The following CADM2 variants were observed in gnomAD, a reference collection of about 807,000 sequenced individuals.
CADM2 encodes the protein cell adhesion molecule 2.
A neutral mutation model predicts 49.8 loss-of-function variants in CADM2; 12 were observed. The observed-to-expected ratio is 0.24, with a 90% CI of 0.15 to 0.39. The LOEUF (loss-of-function observed/expected upper bound fraction) is 0.39. Among genes scored for constraint, CADM2 ranks in the 10% least tolerant of loss-of-function variants. The pLI is 1.00. For missense variants in CADM2, 378 were observed against 492.3 expected, an observed-to-expected ratio of 0.77 and a Z score of 2.20; for synonymous variants, 214 against 175.4, an observed-to-expected ratio of 1.22 and a Z score of -1.74.
intron 1 of CADM2, among the ~76,000 whole-genome samples, chr3:85,273,313 G>A (rs970868450): frequency 3.3e-5 from 5 of 151,262 alleles, no homozygotes; most frequent in Non-Finnish European, 7.4e-5. Context: ...AGGTGGGAAG[G>A]CAGTGGAAGA....
intron 1 of CADM2, among the ~76,000 whole-genome samples, chr3:85,487,528 G>C (rs773600767): frequency 1.2e-4 from 18 of 151,342 alleles, no homozygotes; most frequent in African/African-American, 2.7e-4. Context: ...AGGAGAAGGA[G>C]GAAGTGGAGG....
intron 1 of CADM2, among the ~76,000 whole-genome samples, chr3:85,509,207 T>A (rs2040497754): frequency 6.6e-6 from 1 of 152,128 alleles, no homozygotes. Flanking sequence ...TCTTAAATGC[T>A]ATATCCAGCA....
chr3:85,938,668 C>T (rs1474886194), intron 7 of CADM2, among the ~76,000 whole-genome samples: 1 of 151,802 alleles, frequency 6.6e-6, no homozygotes, highest in East Asian at 1.9e-4. Flanking sequence ...AACTATTGTA[C>T]CTGTATCTTC....
At chr3:85,647,285 C>T (rs907416430) in intron 1 of CADM2, among the ~76,000 whole-genome samples, 45 of 151,744 alleles carry the variant, frequency 3.0e-4, no homozygotes, top group Middle Eastern at 3.4e-3. Flanking sequence ...GGAAATGAAA[C>T]CATTTTGTAA....
intron 1 of CADM2, among the ~76,000 whole-genome samples, chr3:85,153,252 G>A (rs1413195566): frequency 2.0e-4 from 30 of 152,186 alleles, no homozygotes; most frequent in East Asian, 1.9e-4. Flanking sequence ...CCGAAGCAGG[G>A]CGAGGCATTG....
chr3:85,068,939 T>G (rs2036625436), intron 1 of CADM2, among the ~76,000 whole-genome samples: 1 of 152,124 alleles, frequency 6.6e-6, no homozygotes, highest in African/African-American at 2.4e-5. Context: ...TGATTTGGAG[T>G]AATAGAAACT....
intron 1 of CADM2, among the ~76,000 whole-genome samples, chr3:85,501,040 C>A (rs1428282420): frequency 2.0e-5 from 3 of 152,148 alleles, no homozygotes; most frequent in Admixed American, 2.0e-4. Flanking sequence ...AAAACCATTA[C>A]ATTTAAATTT....
intron 3 of CADM2, among the ~76,000 whole-genome samples, chr3:85,876,950 C>G (rs768541085): frequency 6.6e-6 from 1 of 152,076 alleles, no homozygotes; most frequent in African/African-American, 2.4e-5. Context: ...CCAAAATACA[C>G]GTTTGTATGA....
intron 2 of CADM2, chr3:85,801,067 C>A (rs561358685): frequency 5.3e-5 from 8 of 152,262 alleles, no homozygotes; most frequent in Non-Finnish European, 8.8e-5. Flanking sequence ...AATATTTTAA[C>A]CTGGTTCTAG....
At chr3:85,709,646 G>A (rs1258774898) in intron 1 of CADM2, among the ~76,000 whole-genome samples, 1 of 152,062 alleles carries the variant, frequency 6.6e-6, no homozygotes, top group Non-Finnish European at 1.5e-5. Context: ...GCCTTGGCTG[G>A]CATATTATAT....
At chr3:85,744,928 T>C (rs1266471530) in intron 2 of CADM2, among the ~76,000 whole-genome samples, 5 of 152,170 alleles carry the variant, frequency 3.3e-5, no homozygotes, top group Non-Finnish European at 1.5e-5. Context: ...TGAATTTAAA[T>C]GGAAATTATG....
chr3:85,912,553 C>CACT lies in CADM2; in HGVS notation c.700+14_700+16dup. The stretch of plus-strand genomic sequence containing the variant: ...GTGCTAGAAATACACTGTAAGTAAA[C>CACT]ACTACTTCCCCCTCCTTTATCTCAG... On this transcript the variant is annotated intron_variant, in intron 6 of 9. Coordinates refer to ENST00000383699, the MANE Select transcript of CADM2 (RefSeq NM_001167675.2). 1 of 1,606,296 alleles carries CACT rather than the reference C, an allele frequency of 6.2e-7. No individual in the cohort carries two copies. Among genetic ancestry groups the CACT allele is most frequent in the Non-Finnish European group, 8.5e-7 (1 of 1,175,308 alleles).
At chr3:85,229,143 G>T (rs2042227076) in intron 1 of CADM2, among the ~76,000 whole-genome samples, 1 of 152,146 alleles carries the variant, frequency 6.6e-6, no homozygotes, top group African/African-American at 2.4e-5. Context: ...CTCAGCAATG[G>T]TGGACGACCC....
intron 1 of CADM2, among the ~76,000 whole-genome samples, chr3:85,050,046 A>G (rs972571869): frequency 1.3e-5 from 2 of 151,746 alleles, no homozygotes; most frequent in African/African-American, 4.8e-5. Flanking sequence ...CTTGGGAATC[A>G]ATATAATCTT....
At chr3:85,642,946 C>T (rs1456428688) in intron 1 of CADM2, among the ~76,000 whole-genome samples, 1 of 152,140 alleles carries the variant, frequency 6.6e-6, no homozygotes, top group Non-Finnish European at 1.5e-5. Flanking sequence ...ATCACAATGT[C>T]TTCTCTTGTT....
At chr3:86,014,948 TAA>T in intron 8 of CADM2, 10 of 1,451,116 alleles carry the variant, frequency 6.9e-6, no homozygotes, top group Non-Finnish European at 9.7e-6. Flanking sequence ...GAAAGCGTCT[TAA>T]AGCATATTTA....
chr3:85,906,210 A>G (rs1716788932), intron 5 of CADM2, among the ~76,000 whole-genome samples: 1 of 152,172 alleles, frequency 6.6e-6, no homozygotes, highest in African/African-American at 2.4e-5. Context: ...AGGAGAAAGG[A>G]CATTCTAATG....
intron 1 of CADM2, among the ~76,000 whole-genome samples, chr3:85,196,970 G>A (rs545434449): frequency 1.8e-4 from 28 of 151,982 alleles, no homozygotes; most frequent in African/African-American, 6.7e-4. Context: ...ATATGGTAAA[G>A]CATTATTTTG....
At chr3:85,794,996 TG>T (rs1317227433) in intron 2 of CADM2, among the ~76,000 whole-genome samples, 1 of 152,096 alleles carries the variant, frequency 6.6e-6, no homozygotes, top group African/African-American at 2.4e-5. Flanking sequence ...TGCATGTTTT[TG>T]GGGTACAATG....
Sources: allele counts gnomAD v4.1 joint callset (sites outside exome capture counted in the v4.1 genomes callset), GRCh38; gene constraint gnomAD v4.1.1; transcripts MANE v1.5; gene names NCBI Gene and HGNC (gene_info 2026-07-23, HGNC 2026-07-21).